CAAP1: variants seen among roughly 807,000 people sequenced by gnomAD.
The protein encoded by CAAP1 is caspase activity and apoptosis inhibitor 1, also known as conserved anti-apoptotic protein.
CAAP1 carries 20 observed loss-of-function variants against 34.0 expected under a neutral mutation model. The ratio of observed to expected loss-of-function variants is 0.59; its 90% confidence interval spans 0.41 to 0.86. The LOEUF (loss-of-function observed/expected upper bound fraction) is 0.86, where lower values mean the gene tolerates loss of function less well. Among genes scored for constraint, CAAP1 ranks in the 40% least tolerant of loss-of-function variants. CAAP1 has a pLI of 0.00. For missense variants in CAAP1, 538 were observed against 450.5 expected, an observed-to-expected ratio of 1.19 and a Z score of -1.76; for synonymous variants, 213 against 166.7, an observed-to-expected ratio of 1.28 and a Z score of -2.14.
At chr9:26,877,188 G>A (rs1047683878) in intron 4 of CAAP1, among the ~76,000 whole-genome samples, 1 of 151,916 alleles carries the variant, frequency 6.6e-6, no homozygotes, top group Non-Finnish European at 1.5e-5. Flanking sequence ...AATTACCTTC[G>A]GACTACATGT....
At chr9:26,860,782 C>CTCTGAG (rs1269743578) in intron 5 of CAAP1, among the ~76,000 whole-genome samples, 1 of 152,124 alleles carries the variant, frequency 6.6e-6, no homozygotes, top group East Asian at 1.9e-4. Flanking sequence ...CAGGGCAAGA[C>CTCTGAG]TCTGTCTCAA....
chr9:26,857,508 T>A (rs1478979600), intron 5 of CAAP1, among the ~76,000 whole-genome samples: 1 of 152,174 alleles, frequency 6.6e-6, no homozygotes, highest in African/African-American at 2.4e-5. Flanking sequence ...AGTGGGCATC[T>A]GTAATGCCAG....
At chr9:26,851,671 C>T (rs1018015706) in intron 5 of CAAP1, among the ~76,000 whole-genome samples, 1 of 152,178 alleles carries the variant, frequency 6.6e-6, no homozygotes, top group African/African-American at 2.4e-5. Flanking sequence ...ATCATTTCTC[C>T]TACCACTGAT....
chr9:26,880,970 C>A (rs1445708342), intron 4 of CAAP1, among the ~76,000 whole-genome samples: 2 of 152,112 alleles, frequency 1.3e-5, no homozygotes, highest in East Asian at 1.9e-4. Context: ...GCAAGTGTGC[C>A]AAGCCCTCTC....
Position 26,842,090 on chromosome 9 carries a change from C to T in CAAP1, c.*211G>A. On this transcript the variant is annotated 3_prime_UTR_variant, in exon 6 of 6. Coordinates refer to ENST00000333916, the MANE Select transcript of CAAP1 (RefSeq NM_024828.4). ...GTATCCAGGCTATCCAACTATATTGCCATGAATTCATAAGACAGTAACACA... is the reference window on the plus strand; with the variant it reads ...GTATCCAGGCTATCCAACTATATTGTCATGAATTCATAAGACAGTAACACA... 2.3e-6 allele frequency: 1 copy of T among 442,560 alleles called. No homozygotes were observed. Among genetic ancestry groups the T allele is most frequent in the Non-Finnish European group, 4.0e-6 (1 of 252,386 alleles). The allele number at this position is 442,560 out of a possible 1,614,324, so 27.4% of individuals were successfully genotyped here.
At chr9:26,866,294 A>G (rs1280962576) in intron 4 of CAAP1, among the ~76,000 whole-genome samples, 1 of 152,246 alleles carries the variant, frequency 6.6e-6, no homozygotes, top group Non-Finnish European at 1.5e-5. Context: ...AGACATTATT[A>G]TATGGAAGAA....
At chr9:26,857,563 T>C (rs1471353609) in intron 5 of CAAP1, among the ~76,000 whole-genome samples, 14 of 152,030 alleles carry the variant, frequency 9.2e-5, no homozygotes, top group Non-Finnish European at 5.9e-5. Flanking sequence ...ACCCAAGAGA[T>C]GGAGGTTACA....
At chr9:26,880,054 A>T (rs1823548518) in intron 4 of CAAP1, 1 of 187,368 alleles carries the variant, frequency 5.3e-6, no homozygotes, top group South Asian at 8.1e-5. Context: ...CTCTATGGCA[A>T]AAAAATAAGC....
intron 4 of CAAP1, among the ~76,000 whole-genome samples, chr9:26,871,904 A>G (rs1823285715): frequency 6.6e-6 from 1 of 151,582 alleles, no homozygotes; most frequent in African/African-American, 2.4e-5. Context: ...ACAGAGCCAG[A>G]CTTCATCTCA....
intron 1 of CAAP1, among the ~76,000 whole-genome samples, chr9:26,888,878 C>T (rs1356846473): frequency 6.6e-6 from 1 of 152,184 alleles, no homozygotes; most frequent in African/African-American, 2.4e-5. Flanking sequence ...AAATGAAATG[C>T]TGTATAGCGT....
chr9:26,880,729 G>A (rs1587122936), intron 4 of CAAP1, among the ~76,000 whole-genome samples: 2 of 152,130 alleles, frequency 1.3e-5, no homozygotes, highest in East Asian at 3.9e-4. Flanking sequence ...ACCCAGGAGT[G>A]CAGTTGTGGG....
At chr9:26,843,457 G>A (rs12351123) in intron 5 of CAAP1, among the ~76,000 whole-genome samples, 1 of 151,514 alleles carries the variant, frequency 6.6e-6, no homozygotes, top group Non-Finnish European at 1.5e-5. Context: ...TATGTTTTTT[G>A]TGTGTTTTTC....
At chr9:26,855,385 T>C (rs1822846225) in intron 5 of CAAP1, among the ~76,000 whole-genome samples, 1 of 152,184 alleles carries the variant, frequency 6.6e-6, no homozygotes, top group Non-Finnish European at 1.5e-5. Flanking sequence ...AGTGAAAATA[T>C]TCTATATATT....
chr9:26,869,454 A>G (rs1040795544), intron 4 of CAAP1, among the ~76,000 whole-genome samples: 20 of 152,214 alleles, frequency 1.3e-4, no homozygotes, highest in African/African-American at 4.8e-4. Flanking sequence ...TTCTACTCAC[A>G]TAAACCATTG....
intron 4 of CAAP1, among the ~76,000 whole-genome samples, chr9:26,872,450 A>G (rs527969922): frequency 6.6e-6 from 1 of 152,130 alleles, no homozygotes; most frequent in South Asian, 2.1e-4. Flanking sequence ...TTATATTTTA[A>G]GAATACATAT....
chr9:26,874,630 G>A (rs1263665010), intron 4 of CAAP1, among the ~76,000 whole-genome samples: 1 of 152,126 alleles, frequency 6.6e-6, no homozygotes, highest in East Asian at 1.9e-4. Flanking sequence ...AATGATGGAT[G>A]TTGTATCTTC....
intron 5 of CAAP1, among the ~76,000 whole-genome samples, chr9:26,856,131 G>GA (rs1024156759): frequency 4.1e-4 from 61 of 149,870 alleles, no homozygotes; most frequent in African/African-American, 1.5e-3. Flanking sequence ...TTTTAAAAGG[G>GA]GGGGGGTAGA....
At chr9:26,878,147 A>T (rs117555663) in intron 4 of CAAP1, among the ~76,000 whole-genome samples, 1 of 152,190 alleles carries the variant, frequency 6.6e-6, no homozygotes, top group African/African-American at 2.4e-5. Context: ...TTAAAAAATC[A>T]TATTTTCCAG....
chr9:26,846,844 T>C (rs1430449387), intron 5 of CAAP1, among the ~76,000 whole-genome samples: 2 of 151,350 alleles, frequency 1.3e-5, no homozygotes, highest in South Asian at 2.1e-4. Context: ...TGCGCCACCA[T>C]GCCTGGCTAA....
Sources: gnomAD v4.1 joint callset for allele counts (sites outside exome capture counted in the v4.1 genomes callset) on GRCh38, gnomAD v4.1.1 for gene constraint, MANE v1.5 for transcripts, NCBI Gene and HGNC (gene_info 2026-07-23, HGNC 2026-07-21) for gene names.